ZNF322: variants seen among roughly 807,000 people sequenced by gnomAD.
ZNF322 encodes HLA complex group 12.
In ZNF322, 1 loss-of-function variant was observed where a neutral mutation model predicts 18.3. The observed-to-expected ratio is 0.05, with a 90% CI of 0.02 to 0.26. The LOEUF (loss-of-function observed/expected upper bound fraction) is 0.26, where lower values mean the gene tolerates loss of function less well. Among genes scored for constraint, ZNF322 ranks in the 10% least tolerant of loss-of-function variants. The pLI is 1.00. For missense variants in ZNF322, 36 were observed against 403.6 expected (o/e 0.09, Z 7.80); for synonymous variants, 17 against 130.7 (o/e 0.13, Z 5.93).
chr6:26,655,914 A>C (rs1765761803), intron 2 of ZNF322, among the ~76,000 whole-genome samples: 1 of 152,176 alleles, frequency 6.6e-6, no homozygotes. Flanking sequence ...TGAGCCAATA[A>C]ATTTCTGTTC....
intron 3 of ZNF322, among the ~76,000 whole-genome samples, chr6:26,639,183 A>G (rs1044561024): frequency 7.0e-4 from 107 of 152,304 alleles, no homozygotes; most frequent in African/African-American, 2.4e-3. Context: ...CGTAGTGGTG[A>G]TATCAGGCAA....
rs1379764941 is a variant in ZNF322, at chr6:26,634,427, C to T, written c.*2918G>A. On this transcript the variant is annotated 3_prime_UTR_variant, in exon 4 of 4. Coordinates refer to ENST00000415922, the MANE Select transcript of ZNF322 (RefSeq NM_024639.5). Reference sequence around the variant, plus strand: ...TGTTTATTTAATAATTAAGGGCAAACAAAAACATTAAAGCATAGGAATACA... The same window carrying T: ...TGTTTATTTAATAATTAAGGGCAAATAAAAACATTAAAGCATAGGAATACA... The T allele has an allele frequency of 6.6e-6, 1 of 151,654 alleles. No homozygotes were observed. The highest frequency in any genetic ancestry group is 2.4e-5 in the African/African-American group (1 of 41,240). The allele number at this position is 151,654 out of a possible 1,614,324, so 9.4% of individuals were successfully genotyped here.
At chr6:26,653,138 TA>T (rs1393559535) in intron 2 of ZNF322, among the ~76,000 whole-genome samples, 2 of 151,920 alleles carry the variant, frequency 1.3e-5, no homozygotes, top group Non-Finnish European at 2.9e-5. Context: ...GGTAAGTCTA[TA>T]AAAAAAGAAA....
At chr6:26,649,828 T>A (rs1765636174) in intron 2 of ZNF322, among the ~76,000 whole-genome samples, 1 of 148,682 alleles carries the variant, frequency 6.7e-6, no homozygotes, top group African/African-American at 2.5e-5. Context: ...CTCAGCCTCC[T>A]GAGTAGCTGG....
At chr6:26,654,456 G>C (rs1561926461) in intron 2 of ZNF322, among the ~76,000 whole-genome samples, 2 of 152,020 alleles carry the variant, frequency 1.3e-5, no homozygotes, top group Non-Finnish European at 2.9e-5. Flanking sequence ...GAAAGTATAA[G>C]ATAAGCCTGG....
chr6:26,641,116 A>G (rs1257962127), intron 3 of ZNF322, among the ~76,000 whole-genome samples: 1 of 152,236 alleles, frequency 6.6e-6, no homozygotes, highest in Non-Finnish European at 1.5e-5. Context: ...CAGTTTTCTA[A>G]TTTCCATTCA....
intron 3 of ZNF322, among the ~76,000 whole-genome samples, chr6:26,641,901 G>A (rs1430100876): frequency 4.6e-5 from 7 of 152,048 alleles, no homozygotes; most frequent in African/African-American, 1.4e-4. Flanking sequence ...CCCCTAGCCC[G>A]ACACCCGTAA....
At chr6:26,651,514 T>C (rs1307775545) in intron 2 of ZNF322, 1 of 152,208 alleles carries the variant, frequency 6.6e-6, no homozygotes, top group African/African-American at 2.4e-5. Context: ...AGAGTTGTAC[T>C]GTAGGTAAGT....
chr6:26,642,870 A>G (rs1554148437), intron 3 of ZNF322, among the ~76,000 whole-genome samples: 2 of 152,148 alleles, frequency 1.3e-5, no homozygotes, highest in African/African-American at 4.8e-5. Flanking sequence ...AAAACCTTGA[A>G]GTCATCCTGC....
At chr6:26,641,179 A>T (rs2113658995) in intron 3 of ZNF322, among the ~76,000 whole-genome samples, 1 of 152,330 alleles carries the variant, frequency 6.6e-6, no homozygotes, top group South Asian at 2.1e-4. Context: ...CTTTTACTCA[A>T]TTTTATTGTA....
chr6:26,652,732 A>G (rs1554149324), intron 2 of ZNF322, among the ~76,000 whole-genome samples: 2 of 152,136 alleles, frequency 1.3e-5, no homozygotes, highest in African/African-American at 4.8e-5. Flanking sequence ...AGAATGTACA[A>G]CATAAAGAGT....
Position 26,635,031 on chromosome 6 carries a change from A to C in ZNF322, c.*2314T>G, listed in dbSNP as rs1480220373. 7.5e-6 allele frequency: 1 copy of C among 134,096 alleles called. No individual in the cohort carries two copies. The highest frequency in any genetic ancestry group is 1.6e-5 in the Non-Finnish European group (1 of 62,942). 8.3% of individuals were successfully genotyped at this position (134,096 alleles called of 1,614,324 possible). A position where few individuals can be genotyped will look rare whatever the true frequency, so the allele number is the denominator to read the frequency against. On this transcript the variant is annotated 3_prime_UTR_variant, in exon 4 of 4. Coordinates refer to ENST00000415922, the MANE Select transcript of ZNF322 (RefSeq NM_024639.5). ...AAGAGCTATTTCTAAATATTACAAA[A>C]ACATGTCAGATCAAATAAACTTCCA...
chr6:26,641,860 T>C (rs1261900538), intron 3 of ZNF322, among the ~76,000 whole-genome samples: 2 of 152,162 alleles, frequency 1.3e-5, no homozygotes, highest in Non-Finnish European at 2.9e-5. Context: ...GCCTGAGATA[T>C]GGCCTCGTGG....
intron 2 of ZNF322, among the ~76,000 whole-genome samples, chr6:26,655,150 G>C (rs1159750189): frequency 6.6e-6 from 1 of 152,170 alleles, no homozygotes; most frequent in Non-Finnish European, 1.5e-5. Context: ...GTTCACAATA[G>C]GGACAACATT....
At chr6:26,651,141 T>A (rs782421684) in intron 2 of ZNF322, among the ~76,000 whole-genome samples, 1 of 150,094 alleles carries the variant, frequency 6.7e-6, no homozygotes, top group Non-Finnish European at 1.5e-5. Flanking sequence ...TATACCCATA[T>A]AAATAGAGTC....
intron 2 of ZNF322, among the ~76,000 whole-genome samples, chr6:26,652,617 G>A (rs1212149523): frequency 6.6e-6 from 1 of 152,098 alleles, no homozygotes; most frequent in Non-Finnish European, 1.5e-5. Context: ...TTGAACCTGG[G>A]AGGCAGAGGT....
chr6:26,651,469 T>A (rs1461732018), intron 2 of ZNF322: 1 of 152,126 alleles, frequency 6.6e-6, no homozygotes, highest in Admixed American at 6.5e-5. Context: ...GGTCAAAGGA[T>A]ACAAAATTTC....
intron 3 of ZNF322, among the ~76,000 whole-genome samples, chr6:26,643,207 C>T (rs2504571): frequency 0.46 from 69,268 of 152,068 alleles, 16,150 homozygotes; most frequent in East Asian, 0.67. Context: ...TTTCTTCCTC[C>T]AGATGTGTGT....
chr6:26,659,135 A>C (rs1281827327), intron 1 of ZNF322, among the ~76,000 whole-genome samples: 1 of 152,236 alleles, frequency 6.6e-6, no homozygotes, highest in Non-Finnish European at 1.5e-5. Context: ...CTGCAACATA[A>C]CTAATTTCTG....
Sources: gnomAD v4.1 joint callset for allele counts (sites outside exome capture counted in the v4.1 genomes callset) on GRCh38, gnomAD v4.1.1 for gene constraint, MANE v1.5 for transcripts, NCBI Gene and HGNC (gene_info 2026-07-23, HGNC 2026-07-21) for gene names.